ATP6V0A2: variants seen among roughly 807,000 people sequenced by gnomAD.
The protein encoded by ATP6V0A2 is ATPase H+ transporting V0 subunit a2, also known as V-type proton ATPase 116 kDa subunit a 2.
Under a neutral mutation model 104.4 loss-of-function variants are expected in ATP6V0A2, and 58 were observed. That is an observed-to-expected ratio of 0.56 (90% CI 0.45 to 0.69). The LOEUF (loss-of-function observed/expected upper bound fraction) is 0.69, where lower values mean the gene tolerates loss of function less well. Among genes scored for constraint, ATP6V0A2 ranks in the 30% least tolerant of loss-of-function variants. The pLI, the probability that ATP6V0A2 is intolerant of heterozygous loss-of-function variation, is 0.00. For synonymous variants in ATP6V0A2, 376 were observed against 397.9 expected, an observed-to-expected ratio of 0.95 and a Z score of 0.65; for missense variants, 938 against 1,062.9, an observed-to-expected ratio of 0.88 and a Z score of 1.63.
intron 17 of ATP6V0A2, 131 bp from the exon 18 acceptor site, chr12:123,754,289 C>A: frequency 1.3e-6 from 1 of 752,174 alleles, no homozygotes; most frequent in Non-Finnish European, 2.4e-6. Flanking sequence ...GTTCCTCACA[C>A]TCTAGCGTGT....
chr12:123,725,605 T>C (rs1956441672), intron 4 of ATP6V0A2, among the ~76,000 whole-genome samples: 1 of 152,044 alleles, frequency 6.6e-6, no homozygotes, highest in Admixed American at 6.6e-5. Flanking sequence ...TGAGAATTAA[T>C]ATGAGACCTT....
At chr12:123,728,395 CTTTTTTTTT>C (rs34247373) in intron 6 of ATP6V0A2, among the ~76,000 whole-genome samples, 4 of 124,488 alleles carry the variant, frequency 3.2e-5, no homozygotes, top group African/African-American at 1.2e-4. Flanking sequence ...CCTCACCTGG[CTTTTTTTTT>C]TTTTTTTTTA....
intron 9 of ATP6V0A2, among the ~76,000 whole-genome samples, chr12:123,742,719 C>A (rs1956621283): frequency 6.6e-6 from 1 of 151,796 alleles, no homozygotes; most frequent in Admixed American, 6.6e-5. Flanking sequence ...CAATGTAATC[C>A]CAACTACTTG....
intron 9 of ATP6V0A2, among the ~76,000 whole-genome samples, chr12:123,739,435 TTCA>T (rs1956587144): frequency 6.6e-6 from 1 of 152,218 alleles, no homozygotes; most frequent in Non-Finnish European, 1.5e-5. Context: ...AATCTGGCTC[TTCA>T]CAGTTGCCTT....
intron 13 of ATP6V0A2, among the ~76,000 whole-genome samples, chr12:123,746,981 C>T (rs556655834): frequency 1.8e-4 from 28 of 152,184 alleles, no homozygotes; most frequent in African/African-American, 6.0e-4. Context: ...CCTAACCCAC[C>T]TGAAGGGCAG....
chr12:123,720,683 A>G (rs1465712243), intron 2 of ATP6V0A2, among the ~76,000 whole-genome samples: 1 of 152,180 alleles, frequency 6.6e-6, no homozygotes, highest in African/African-American at 2.4e-5. Flanking sequence ...GCAGCAGGGT[A>G]TGACCCCATA....
chr12:123,748,790 G>A lies in ATP6V0A2; in HGVS notation c.1935+5G>A. 1 of 1,609,570 alleles carries A rather than the reference G, an allele frequency of 6.2e-7. No homozygotes were observed. The highest frequency in any genetic ancestry group is 1.1e-5 in the South Asian group (1 of 90,996). On this transcript the variant is annotated splice_donor_5th_base_variant and intron_variant, in intron 15 of 19. Coordinates refer to ENST00000330342, the MANE Select transcript of ATP6V0A2 (RefSeq NM_012463.4). ...AGTGGCCTTTACACAGGGCAGGTGA[G>A]TCATCTTCCCACCCTCATGAACTTA...
Position 123,744,035 on chromosome 12 carries a change from CT to C in ATP6V0A2, c.1189+106del, listed in dbSNP as rs1956635758. ...ATTTGGAAAGAGAGGCTGACCATTACTTTTTTGCTATCTTATTTAAAAGTAT... is the reference window on the plus strand; with the variant it reads ...ATTTGGAAAGAGAGGCTGACCATTACTTTTTGCTATCTTATTTAAAAGTAT... On this transcript the variant is annotated intron_variant, in intron 10 of 19. Coordinates refer to ENST00000330342, the MANE Select transcript of ATP6V0A2 (RefSeq NM_012463.4). This position sits in a 1 kb window ranked among gnomAD's most constrained non-coding sequence, Gnocchi z 5.4. The C allele has an allele frequency of 3.2e-6, 5 of 1,560,168 alleles. No homozygotes were observed. The highest frequency in any genetic ancestry group is 4.4e-6 in the Non-Finnish European group (5 of 1,132,174).
rs1186438382 is a variant in ATP6V0A2 at position 123,735,639 on chromosome 12, A to G, written c.825+15A>G. 6.3e-7 allele frequency: 1 copy of G among 1,599,110 alleles called. No homozygotes were observed. Among genetic ancestry groups the G allele is most frequent in the Admixed American group, 1.7e-5 (1 of 59,986 alleles). On this transcript the variant is annotated intron_variant, in intron 8 of 19. Transcript: ENST00000330342. ...ATCTCTACACTGTGAGTAAGCTGGA[A>G]GTGGATTGCCTCTTTATCTGAGGGC... is the stretch of plus-strand genomic sequence containing the variant.
At chr12:123,720,112 C>G (rs1429694872) in intron 2 of ATP6V0A2, among the ~76,000 whole-genome samples, 1 of 152,110 alleles carries the variant, frequency 6.6e-6, no homozygotes, top group African/African-American at 2.4e-5. Flanking sequence ...TTCGGCCTCC[C>G]AAAGGTCTGG....
rs1253951737 is a variant in ATP6V0A2, at chr12:123,724,510, C to G, written c.295-144C>G. ...TGCCACTGCACTCCAGCCTGGGCGACAGAGGGAGACTCCATCTCAAAAAAA... is the reference window on the plus strand; with the variant it reads ...TGCCACTGCACTCCAGCCTGGGCGAGAGAGGGAGACTCCATCTCAAAAAAA... On this transcript the variant is annotated intron_variant, in intron 3 of 19. Coordinates refer to ENST00000330342, the MANE Select transcript of ATP6V0A2 (RefSeq NM_012463.4). The G allele has an allele frequency of 5.4e-6, 4 of 738,854 alleles. No homozygotes were observed. In the African/African-American group the frequency reaches 7.6e-5, roughly 14 times the overall value. The allele number at this position is 738,854 out of a possible 1,614,324, so 45.8% of individuals were successfully genotyped here. A position where few individuals can be genotyped will look rare whatever the true frequency, so the allele number is the denominator to read the frequency against.
intron 9 of ATP6V0A2, among the ~76,000 whole-genome samples, chr12:123,738,750 T>A (rs543737678): frequency 1.3e-5 from 2 of 152,358 alleles, no homozygotes; most frequent in East Asian, 3.9e-4. Context: ...TACATTAAAC[T>A]CAGATTTTGG....
intron 7 of ATP6V0A2, 55 bp from the exon 8 acceptor site, chr12:123,735,476 G>C: frequency 6.6e-7 from 1 of 1,511,560 alleles, no homozygotes; most frequent in East Asian, 2.3e-5. Flanking sequence ...GGAGGTGAAC[G>C]TGTTTAGTTC....
intron 13 of ATP6V0A2, among the ~76,000 whole-genome samples, chr12:123,746,953 A>G (rs1298909859): frequency 1.3e-5 from 2 of 152,086 alleles, no homozygotes; most frequent in Non-Finnish European, 2.9e-5. Flanking sequence ...TTATCTTAAT[A>G]GACCCTGTTT....
intron 13 of ATP6V0A2, 126 bp downstream of exon 13, chr12:123,745,098 C>CAAT (rs1956648580): frequency 1.0e-6 from 1 of 960,384 alleles, no homozygotes; most frequent in Non-Finnish European, 1.6e-6. Context: ...TGCTCATTAG[C>CAAT]CCCTGTGCAT....
At chr12:123,733,433 T>C in intron 6 of ATP6V0A2, 1 of 155,074 alleles carries the variant, frequency 6.4e-6, no homozygotes, top group South Asian at 2.0e-4. Context: ...CCAGCAGCTC[T>C]GTGACTCGAG....
At chr12:123,720,951 C>G (rs1253799719) in intron 2 of ATP6V0A2, among the ~76,000 whole-genome samples, 1 of 152,004 alleles carries the variant, frequency 6.6e-6, no homozygotes, top group African/African-American at 2.4e-5. Flanking sequence ...CCAGTGCTTC[C>G]TTTGCTATCT....
rs1046844500 is a variant in ATP6V0A2 at position 123,760,987 on chromosome 12, A to C, written c.*2955A>C. ...AGTGGTGCAGTCTCGGCTCACTGCA[A>C]CCTCTGCCTCCTGGGTTTAAGCAAT... On this transcript the variant is annotated 3_prime_UTR_variant, in exon 20 of 20. Transcript: ENST00000330342. The C allele has an allele frequency of 1.2e-4, 19 of 152,252 alleles. No individual in the cohort carries two copies. Among genetic ancestry groups the C allele is most frequent in the African/African-American group, 4.1e-4 (17 of 41,530 alleles). The allele number at this position is 152,252 out of a possible 1,614,324, so 9.4% of individuals were successfully genotyped here.
intron 1 of ATP6V0A2, among the ~76,000 whole-genome samples, chr12:123,716,023 A>G (rs1956335563): frequency 6.6e-6 from 1 of 152,026 alleles, no homozygotes; most frequent in South Asian, 2.1e-4. Flanking sequence ...AATCCAAGAT[A>G]TATAATTTAA....
Sources: allele counts gnomAD v4.1 joint callset (sites outside exome capture counted in the v4.1 genomes callset), GRCh38; gene constraint gnomAD v4.1.1; non-coding constraint Gnocchi (gnomAD v3.1); transcripts MANE v1.5; gene names NCBI Gene and HGNC (gene_info 2026-07-23, HGNC 2026-07-21).